Variants in RASGRF2 observed in about 807,000 individuals in gnomAD.
RASGRF2 encodes ras-specific guanine nucleotide-releasing factor 2.
Under a neutral mutation model 151.0 loss-of-function variants are expected in RASGRF2, and 76 were observed. The ratio of observed to expected loss-of-function variants is 0.50; its 90% CI spans 0.42 to 0.61. RASGRF2 has a LOEUF of 0.61. Ranked by LOEUF, RASGRF2 falls within the 20% of genes least tolerant of loss-of-function variation. The probability of loss-of-function intolerance (pLI) is 0.00; values close to 1 mark genes in which losing one functional copy is unlikely to be tolerated. For synonymous variants in RASGRF2, 504 were observed against 566.5 expected, an observed-to-expected ratio of 0.89 and a Z score of 1.57; for missense variants, 1,148 against 1,564.6, an observed-to-expected ratio of 0.73 and a Z score of 4.49.
chr5:81,070,663 G>T (rs26419), intron 4 of RASGRF2, 82 bp downstream of exon 4: 33,434 of 1,235,770 alleles, frequency 0.027, 557 homozygotes, highest in Non-Finnish European at 0.034. Context: ...CACCCTGTGC[G>T]TGAGCCGGGA....
intron 1 of RASGRF2, among the ~76,000 whole-genome samples, chr5:81,032,458 T>G (rs1015901226): frequency 4.6e-5 from 7 of 152,154 alleles, no homozygotes; most frequent in African/African-American, 1.2e-4. Context: ...ACAATCAAGT[T>G]GGCTTCATCC....
intron 25 of RASGRF2, among the ~76,000 whole-genome samples, chr5:81,219,075 C>CTTTT: frequency 7.7e-6 from 1 of 130,564 alleles, no homozygotes; most frequent in Non-Finnish European, 1.7e-5. Flanking sequence ...CAGCCAGGTT[C>CTTTT]TTTTTTTTTT....
chr5:81,055,715 C>A (rs966875921), intron 2 of RASGRF2, among the ~76,000 whole-genome samples: 1 of 152,090 alleles, frequency 6.6e-6, no homozygotes, highest in Non-Finnish European at 1.5e-5. Flanking sequence ...GTACCAGCTC[C>A]TCTTTGTACC....
rs772368426 is a variant in RASGRF2, at chr5:81,070,504, A to G, written c.556A>G (p.Asn186Asp). Residue 186 changes from asparagine (N) to aspartate (D), a missense_variant, in exon 4 of 27, where the codon AAT (asparagine) becomes GAT (aspartate). Physicochemically the swap from Asn to Asp is conservative, Grantham distance 23. This residue lies in a region of RASGRF2 where 221 missense variants were observed against 271.3 expected (regional missense o/e 0.81). Transcript: ENST00000265080. ...CTTTGTGTTCCAGATTATTGCTCTT[A>G]ATAAAACCAAAGAACGAATGCGACC... ...ERLKSEIIALNKTKERMRPYQ... is the reference protein window; with the variant it reads ...ERLKSEIIALDKTKERMRPYQ... The G allele has an allele frequency of 8.7e-6, 14 of 1,603,958 alleles. 1 individual carries two copies. The highest frequency in any genetic ancestry group is 9.4e-6 in the Non-Finnish European group (11 of 1,170,782).
intron 1 of RASGRF2, among the ~76,000 whole-genome samples, chr5:80,969,224 A>G (rs1054974546): frequency 1.4e-5 from 2 of 140,548 alleles, no homozygotes; most frequent in Admixed American, 7.6e-5. Flanking sequence ...TCTGCCTCCC[A>G]GGTTCAAGTG....
chr5:81,181,465 T>C (rs1056198311), intron 18 of RASGRF2, among the ~76,000 whole-genome samples: 14 of 152,226 alleles, frequency 9.2e-5, no homozygotes, highest in African/African-American at 3.4e-4. Context: ...AGAAAAAATT[T>C]AATCCTCTAT....
chr5:81,060,108 T>C (rs1410913340), intron 2 of RASGRF2, among the ~76,000 whole-genome samples: 1 of 152,174 alleles, frequency 6.6e-6, no homozygotes, highest in East Asian at 1.9e-4. Context: ...ATTCACTGTC[T>C]TGAGGACAGC....
chr5:81,140,445 C>G (rs1753858081), intron 17 of RASGRF2, among the ~76,000 whole-genome samples: 1 of 152,020 alleles, frequency 6.6e-6, no homozygotes, highest in South Asian at 2.1e-4. Context: ...CAGACACACA[C>G]ATGCACACAC....
At chr5:81,109,125 G>T (rs771263307) in intron 13 of RASGRF2, 47 bp downstream of exon 13, 1 of 1,579,124 alleles carries the variant, frequency 6.3e-7, no homozygotes, top group Non-Finnish European at 8.6e-7. Context: ...AGATTAAATT[G>T]GCGGAACATG....
At chr5:81,094,800 A>C in intron 11 of RASGRF2, 56 bp from the exon 12 acceptor site, 1 of 1,510,120 alleles carries the variant, frequency 6.6e-7, no homozygotes, top group African/African-American at 1.4e-5. Context: ...GAAGGCAGCT[A>C]TCACTCTTTG....
At chr5:81,128,300 A>G (rs543096086) in intron 17 of RASGRF2, among the ~76,000 whole-genome samples, 2 of 152,330 alleles carry the variant, frequency 1.3e-5, no homozygotes, top group South Asian at 2.1e-4. Flanking sequence ...CCACAAAAAA[A>G]TGGTAAGTGA....
At chr5:81,062,023 A>AT (rs1561585849) in intron 2 of RASGRF2, among the ~76,000 whole-genome samples, 1 of 151,138 alleles carries the variant, frequency 6.6e-6, no homozygotes, top group Non-Finnish European at 1.5e-5. Context: ...AAAAAAAAAA[A>AT]ACTGTAGAGA....
At chr5:81,177,037 G>A (rs2112668995) in intron 17 of RASGRF2, among the ~76,000 whole-genome samples, 1 of 152,100 alleles carries the variant, frequency 6.6e-6, no homozygotes, top group African/African-American at 2.4e-5. Context: ...AAGGTCCTGG[G>A]GCTTCTTCTC....
At chr5:80,980,849 G>A (rs6892210) in intron 1 of RASGRF2, among the ~76,000 whole-genome samples, 1,634 of 152,226 alleles carry the variant, frequency 0.011, 47 homozygotes, top group African/African-American at 0.037. Context: ...TTTGAGGAGG[G>A]GAAGACAGCC....
intron 2 of RASGRF2, among the ~76,000 whole-genome samples, chr5:81,055,204 C>T (rs892098461): frequency 1.3e-5 from 2 of 152,112 alleles, no homozygotes; most frequent in African/African-American, 4.8e-5. Context: ...TGTCTTGTGC[C>T]AGTTTTCAAA....
chr5:81,158,129 A>G (rs1754304218), intron 17 of RASGRF2, among the ~76,000 whole-genome samples: 1 of 152,248 alleles, frequency 6.6e-6, no homozygotes, highest in Non-Finnish European at 1.5e-5. Flanking sequence ...AAAACTTACT[A>G]TAAGACTACA....
chr5:81,045,352 A>G (rs979336167), intron 2 of RASGRF2, among the ~76,000 whole-genome samples: 1 of 152,228 alleles, frequency 6.6e-6, no homozygotes, highest in Non-Finnish European at 1.5e-5. Context: ...TGGTGAACCA[A>G]ACACAAATAA....
chr5:81,219,849 A>G (rs962735278), intron 26 of RASGRF2, 71 bp downstream of exon 26: 1 of 1,305,418 alleles, frequency 7.7e-7, no homozygotes, highest in African/African-American at 1.5e-5. Context: ...AAACAACAGT[A>G]AAAGTTGATC....
intron 9 of RASGRF2, among the ~76,000 whole-genome samples, chr5:81,088,969 T>A (rs114090431): frequency 0.14 from 20,606 of 152,218 alleles, 1,827 homozygotes; most frequent in Middle Eastern, 0.29. Context: ...ATTATTATCA[T>A]GTTGATGTCA....
Sources: gnomAD v4.1 joint callset for allele counts (sites outside exome capture counted in the v4.1 genomes callset) on GRCh38, gnomAD v4.1.1 for gene constraint, gnomAD v4.1.1 regional missense constraint, MANE v1.5 for transcripts, NCBI Gene and HGNC (gene_info 2026-07-23, HGNC 2026-07-21) for gene names.